TFPI: variants seen among roughly 807,000 people sequenced by gnomAD.
TFPI encodes the protein tissue factor pathway inhibitor, also known as anti-convertin.
In TFPI, 15 loss-of-function variants were observed where a neutral mutation model predicts 34.6. The observed-to-expected ratio is 0.43, with a 90% CI of 0.29 to 0.67. The LOEUF (loss-of-function observed/expected upper bound fraction) is 0.67. Ranked by LOEUF, TFPI falls within the 30% of genes least tolerant of loss-of-function variation. The pLI, the probability that TFPI is intolerant of heterozygous loss-of-function variation, is 0.15. For synonymous variants in TFPI, 105 were observed against 120.1 expected, an observed-to-expected ratio of 0.87 and a Z score of 0.82; for missense variants, 301 against 364.0, an observed-to-expected ratio of 0.83 and a Z score of 1.41.
intron 3 of TFPI, among the ~76,000 whole-genome samples, chr2:187,490,227 G>A (rs1685026799): frequency 6.6e-6 from 1 of 151,658 alleles, no homozygotes; most frequent in Admixed American, 6.6e-5. Flanking sequence ...CAAGGAGAGT[G>A]TTAGATAAAT....
chr2:187,466,790 C>G lies in TFPI; in HGVS notation c.*146G>C, dbSNP rs546358044. 263 of 448,444 alleles carry G rather than the reference C, an allele frequency of 5.9e-4. 1 individual carries two copies. Among genetic ancestry groups the G allele is most frequent in the African/African-American group, 5.2e-3 (247 of 47,810 alleles). The allele number at this position is 448,444 out of a possible 1,614,324, so 27.8% of individuals were successfully genotyped here. Reference sequence around the variant, plus strand: ...CAAGATTAGAAAAGCAACTCTGATACAAACGTGTTGATAACAAGTACAATA... The same window carrying G: ...CAAGATTAGAAAAGCAACTCTGATAGAAACGTGTTGATAACAAGTACAATA... On this transcript the variant is annotated 3_prime_UTR_variant, in exon 8 of 8. Transcript: ENST00000233156.
chr2:187,496,476 A>T (rs1307915766), intron 3 of TFPI, among the ~76,000 whole-genome samples: 4 of 152,152 alleles, frequency 2.6e-5, no homozygotes, highest in Admixed American at 2.0e-4. Flanking sequence ...CAATTCTTTG[A>T]ACATGAGTTG....
At chr2:187,529,135 C>A (rs956830795) in intron 1 of TFPI, among the ~76,000 whole-genome samples, 1 of 152,156 alleles carries the variant, frequency 6.6e-6, no homozygotes, top group Non-Finnish European at 1.5e-5. Context: ...TAAGGATGAA[C>A]TAGTCCAGGT....
At chr2:187,530,525 G>A (rs932337514) in intron 1 of TFPI, among the ~76,000 whole-genome samples, 3 of 152,102 alleles carry the variant, frequency 2.0e-5, no homozygotes, top group Admixed American at 1.3e-4. Flanking sequence ...TTTTGGCATC[G>A]TCCCCTGACT....
chr2:187,503,504 C>CACA, intron 2 of TFPI, 144 bp downstream of exon 2: 1 of 761,584 alleles, frequency 1.3e-6, no homozygotes, highest in Non-Finnish European at 2.0e-6. Context: ...CACACACATA[C>CACA]ATTAGGTATA....
intron 3 of TFPI, among the ~76,000 whole-genome samples, chr2:187,492,596 G>A (rs1403503422): frequency 6.6e-6 from 1 of 152,174 alleles, no homozygotes; most frequent in East Asian, 1.9e-4. Flanking sequence ...CAAGACCATG[G>A]GAGCCCACCT....
rs1293210786 is a variant in TFPI, at chr2:187,484,070, A to C, written c.628+54T>G. On this transcript the variant is annotated intron_variant, in intron 6 of 7. Transcript: ENST00000233156. ...ATACTTCTAATACACAATCCACTTC[A>C]TTGTTAGCATGATAATAGTTTCCTG... 2.8e-6 allele frequency: 4 copies of C among 1,441,752 alleles called. No homozygotes were observed. In the African/African-American group the frequency reaches 5.6e-5, roughly 20 times the overall value. The allele number at this position is 1,441,752 out of a possible 1,614,324, so 89.3% of individuals were successfully genotyped here.
intron 1 of TFPI, among the ~76,000 whole-genome samples, chr2:187,537,877 TAAAC>T (rs1192564342): frequency 1.8e-4 from 27 of 150,936 alleles, no homozygotes; most frequent in African/African-American, 4.9e-5. Flanking sequence ...ACAAAGAACT[TAAAC>T]AAATTTACAA....
At chr2:187,532,458 C>G (rs1688010761) in intron 1 of TFPI, among the ~76,000 whole-genome samples, 2 of 152,224 alleles carry the variant, frequency 1.3e-5, no homozygotes, top group Non-Finnish European at 2.9e-5. Flanking sequence ...TGCGTTGCCT[C>G]ACCTGGGAAG....
chr2:187,540,200 G>A (rs926318456), intron 1 of TFPI, among the ~76,000 whole-genome samples: 1 of 152,018 alleles, frequency 6.6e-6, no homozygotes, highest in African/African-American at 2.4e-5. Flanking sequence ...ACCGCGCCCC[G>A]GCCACGTCAT....
chr2:187,549,915 T>A (rs568494830), intron 1 of TFPI, among the ~76,000 whole-genome samples: 1 of 152,136 alleles, frequency 6.6e-6, no homozygotes, highest in East Asian at 1.9e-4. Context: ...GAAATTATAT[T>A]GGTCAGTGGA....
chr2:187,545,036 G>A (rs1380184976), intron 1 of TFPI, among the ~76,000 whole-genome samples: 5 of 150,204 alleles, frequency 3.3e-5, no homozygotes, highest in Non-Finnish European at 5.9e-5. Flanking sequence ...GCTTGAACCC[G>A]GGAGGCGGAG....
chr2:187,536,550 A>G (rs1443694156), intron 1 of TFPI, among the ~76,000 whole-genome samples: 4 of 152,136 alleles, frequency 2.6e-5, no homozygotes, highest in East Asian at 1.9e-4. Flanking sequence ...TATGCTAAAA[A>G]CTCTCAATAA....
At chr2:187,492,064 A>C (rs561395618) in intron 3 of TFPI, among the ~76,000 whole-genome samples, 38 of 152,016 alleles carry the variant, frequency 2.5e-4, no homozygotes, top group Non-Finnish European at 5.0e-4. Context: ...TTCTTGTTGA[A>C]TTGTTTGAGT....
intron 1 of TFPI, among the ~76,000 whole-genome samples, chr2:187,537,527 G>C (rs902390759): frequency 1.3e-5 from 2 of 152,160 alleles, no homozygotes; most frequent in African/African-American, 4.8e-5. Flanking sequence ...GGGAAAACTG[G>C]CTAGCCATAT....
intron 2 of TFPI, among the ~76,000 whole-genome samples, chr2:187,500,862 T>A (rs1267654274): frequency 6.6e-6 from 1 of 152,176 alleles, no homozygotes; most frequent in Non-Finnish European, 1.5e-5. Context: ...ATTTCTTATT[T>A]TGAATAAACC....
intron 1 of TFPI, among the ~76,000 whole-genome samples, chr2:187,541,503 C>G (rs111739292): frequency 2.0e-3 from 302 of 152,234 alleles, no homozygotes; most frequent in African/African-American, 7.0e-3. Flanking sequence ...ATTTGTGAAA[C>G]CTCCAGTGGA....
At chr2:187,517,708 G>C (rs1361407583) in intron 1 of TFPI, 1 of 152,148 alleles carries the variant, frequency 6.6e-6, no homozygotes, top group Admixed American at 6.5e-5. Context: ...TTAATTTTCT[G>C]TCTCATTGAT....
intron 1 of TFPI, among the ~76,000 whole-genome samples, chr2:187,548,998 A>G (rs1013172658): frequency 1.3e-5 from 2 of 152,062 alleles, no homozygotes; most frequent in African/African-American, 4.8e-5. Flanking sequence ...AAAATGCTTA[A>G]TTTTTTTGAA....
Sources: gnomAD v4.1 joint callset for allele counts (sites outside exome capture counted in the v4.1 genomes callset) on GRCh38, gnomAD v4.1.1 for gene constraint, MANE v1.5 for transcripts, NCBI Gene and HGNC (gene_info 2026-07-23, HGNC 2026-07-21) for gene names.